The following HBS1L variants were observed in gnomAD, a reference collection of about 807,000 sequenced individuals.
HBS1L encodes the protein HBS1-like protein.
A neutral mutation model predicts 88.9 loss-of-function variants in HBS1L; 55 were observed. That is an observed-to-expected ratio of 0.62 (90% CI 0.50 to 0.77). The LOEUF is 0.77. HBS1L is among the 30% of genes least tolerant of loss of function. The probability of loss-of-function intolerance (pLI) is 0.00; values close to 1 mark genes in which losing one functional copy is unlikely to be tolerated. For synonymous variants in HBS1L, 267 were observed against 288.5 expected, an observed-to-expected ratio of 0.93 and a Z score of 0.76; for missense variants, 741 against 829.3, an observed-to-expected ratio of 0.89 and a Z score of 1.31.
chr6:134,986,600 T>C, intron 10 of HBS1L, 136 bp downstream of exon 10: 1 of 493,224 alleles, frequency 2.0e-6, no homozygotes, highest in Non-Finnish European at 3.5e-6. Context: ...ATATATTATA[T>C]ATATGATACT....
chr6:134,990,864 T>A (rs1036049174), intron 8 of HBS1L, among the ~76,000 whole-genome samples: 3 of 152,138 alleles, frequency 2.0e-5, no homozygotes, highest in Admixed American at 2.0e-4. Context: ...GAATAAACGA[T>A]CTTTATAATA....
At chr6:135,000,222 A>ATTTTTTTTTTTTTTTTTTTTTTT (rs33946758) in intron 5 of HBS1L, among the ~76,000 whole-genome samples, 8 of 129,418 alleles carry the variant, frequency 6.2e-5, no homozygotes, top group Admixed American at 1.5e-4. Flanking sequence ...TACCCAGCTA[A>ATTTTTTTTTTTTTTTTTTTTTTT]TTTTTTTTTT....
At chr6:135,026,647 G>A (rs1039157654) in intron 4 of HBS1L, among the ~76,000 whole-genome samples, 1 of 151,708 alleles carries the variant, frequency 6.6e-6, no homozygotes, top group Admixed American at 6.6e-5. Context: ...GCAAAAGAAG[G>A]GATGAATAAA....
chr6:135,035,463 G>A (rs1256467502), intron 4 of HBS1L, among the ~76,000 whole-genome samples: 4 of 150,332 alleles, frequency 2.7e-5, no homozygotes, highest in South Asian at 2.1e-4. Flanking sequence ...AGAACAGGCC[G>A]GGTGCAGTGG....
intron 2 of HBS1L, among the ~76,000 whole-genome samples, chr6:135,043,385 A>G (rs1289364516): frequency 6.6e-6 from 1 of 152,256 alleles, no homozygotes; most frequent in African/African-American, 2.4e-5. Context: ...TCAGGAAGAT[A>G]TTATTTATTA....
At chr6:134,986,695 C>A (rs2114783324) in intron 10 of HBS1L, 41 bp downstream of exon 10, 1 of 1,099,194 alleles carries the variant, frequency 9.1e-7, no homozygotes, top group South Asian at 1.7e-5. Context: ...AGTAAGATGA[C>A]TTAAGGAAAG....
chr6:134,970,213 A>G (rs1774442854), intron 15 of HBS1L, among the ~76,000 whole-genome samples: 2 of 151,904 alleles, frequency 1.3e-5, no homozygotes, highest in African/African-American at 4.8e-5. Flanking sequence ...GCTCACTGCA[A>G]CCTCCACCTC....
chr6:135,001,359 C>T (rs1178142262), intron 5 of HBS1L, among the ~76,000 whole-genome samples: 1 of 152,090 alleles, frequency 6.6e-6, no homozygotes, highest in African/African-American at 2.4e-5. Context: ...GATACCTATG[C>T]ATTTACTTCT....
chr6:135,036,677 G>T (rs1432338797), intron 4 of HBS1L: 4 of 1,551,024 alleles, frequency 2.6e-6, no homozygotes, highest in Non-Finnish European at 3.5e-6. Flanking sequence ...TTTACATCTT[G>T]AACTTGTCTA....
intron 4 of HBS1L, among the ~76,000 whole-genome samples, chr6:135,006,616 AG>A (rs1326371393): frequency 6.6e-6 from 1 of 152,216 alleles, no homozygotes; most frequent in Non-Finnish European, 1.5e-5. Context: ...CTCAGGTTTA[AG>A]AGGCTATAAA....
intron 15 of HBS1L, among the ~76,000 whole-genome samples, chr6:134,977,021 G>A (rs867035276): frequency 1.3e-5 from 2 of 151,924 alleles, no homozygotes. Flanking sequence ...GTAGTATTAT[G>A]GCATTAGTCC....
At chr6:134,998,942 T>C (rs1775368091) in intron 5 of HBS1L, among the ~76,000 whole-genome samples, 1 of 152,202 alleles carries the variant, frequency 6.6e-6, no homozygotes, top group East Asian at 1.9e-4. Flanking sequence ...CCCATACTTT[T>C]AAAGGATTCT....
intron 2 of HBS1L, 37 bp downstream of exon 2, chr6:135,050,545 C>T: frequency 7.2e-7 from 1 of 1,391,764 alleles, no homozygotes; most frequent in Admixed American, 1.9e-5. Flanking sequence ...TTTTTAAACA[C>T]CAAATCTAAG....
At chr6:134,966,100 T>C (rs1774305737) in intron 17 of HBS1L, among the ~76,000 whole-genome samples, 1 of 152,160 alleles carries the variant, frequency 6.6e-6, no homozygotes, top group Admixed American at 6.5e-5. Flanking sequence ...CTTGTTCTAG[T>C]AGCATAACTG....
chr6:134,965,648 A>G (rs748616524), intron 17 of HBS1L, among the ~76,000 whole-genome samples: 2 of 152,218 alleles, frequency 1.3e-5, no homozygotes, highest in Non-Finnish European at 2.9e-5. Context: ...GGTAGATTCT[A>G]TTATCCTATT....
chr6:135,021,349 C>T (rs1304678300), intron 4 of HBS1L, among the ~76,000 whole-genome samples: 1 of 151,972 alleles, frequency 6.6e-6, no homozygotes, highest in Non-Finnish European at 1.5e-5. Flanking sequence ...TAAGCTGGTA[C>T]TTACAAAGGC....
intron 8 of HBS1L, among the ~76,000 whole-genome samples, chr6:134,993,481 A>C (rs960108673): frequency 6.6e-6 from 1 of 152,176 alleles, no homozygotes; most frequent in Non-Finnish European, 1.5e-5. Context: ...ATATGAAGCT[A>C]TACTCATCAA....
chr6:134,963,800 T>C lies in HBS1L; in HGVS notation c.*1479A>G, dbSNP rs924753691. 1 of 152,182 alleles carries C rather than the reference T, an allele frequency of 6.6e-6. No homozygotes were observed. Among genetic ancestry groups the C allele is most frequent in the South Asian group, 2.1e-4 (1 of 4,822 alleles). The allele number at this position is 152,182 out of a possible 1,614,324, so 9.4% of individuals were successfully genotyped here. On this transcript the variant is annotated 3_prime_UTR_variant, in exon 18 of 18. Transcript: ENST00000367837. The stretch of plus-strand genomic sequence containing the variant: ...GAGATGAGTCCTTGCTAACATTGTG[T>C]GAGCTGCTCGATCTAAATGGAATCA...
At chr6:135,018,880 A>T (rs1158229940) in intron 4 of HBS1L, among the ~76,000 whole-genome samples, 2 of 151,926 alleles carry the variant, frequency 1.3e-5, no homozygotes, top group East Asian at 3.8e-4. Context: ...GATCTCATTT[A>T]TATCCCCATC....
Sources: allele counts gnomAD v4.1 joint callset (sites outside exome capture counted in the v4.1 genomes callset), GRCh38; gene constraint gnomAD v4.1.1; transcripts MANE v1.5; gene names NCBI Gene and HGNC (gene_info 2026-07-23, HGNC 2026-07-21).